Variants in TRIM33 observed in about 807,000 individuals in gnomAD.
The protein encoded by TRIM33 is E3 ubiquitin-protein ligase TRIM33.
In TRIM33, 20 loss-of-function variants were observed where a neutral mutation model predicts 125.4. The observed-to-expected ratio is 0.16, with a 90% confidence interval of 0.11 to 0.23. TRIM33 has a LOEUF of 0.23. Ranked by LOEUF, TRIM33 falls within the 10% of genes least tolerant of loss-of-function variation. The pLI, the probability that TRIM33 is intolerant of heterozygous loss-of-function variation, is 1.00. For synonymous variants in TRIM33, 564 were observed against 513.9 expected, an observed-to-expected ratio of 1.10 and a Z score of -1.32; for missense variants, 920 against 1,411.4, an observed-to-expected ratio of 0.65 and a Z score of 5.58.
At chr1:114,472,044 G>A (rs909616128) in intron 1 of TRIM33, among the ~76,000 whole-genome samples, 11 of 152,064 alleles carry the variant, frequency 7.2e-5, no homozygotes, top group Admixed American at 5.2e-4. Flanking sequence ...TATAGGGTAC[G>A]ACCACAGACC....
chr1:114,464,428 G>T, intron 1 of TRIM33, 40 bp from the exon 2 acceptor site: 1 of 1,226,194 alleles, frequency 8.2e-7, no homozygotes, highest in Non-Finnish European at 1.2e-6. Flanking sequence ...TATTCTTCAG[G>T]AATAAAGAAA....
In TRIM33 at chr1:114,397,502, T is replaced by C; in HGVS notation, c.*146A>G. On this transcript the variant is annotated 3_prime_UTR_variant, in exon 20 of 20. Coordinates refer to ENST00000358465, the MANE Select transcript of TRIM33 (RefSeq NM_015906.4). The stretch of plus-strand genomic sequence containing the variant: ...TCTGTCCATTATTTCAATCTAATAC[T>C]GTGTAAAAGCTATCAGCTTCTTCAA... 3.2e-6 allele frequency: 2 copies of C among 624,532 alleles called. No homozygotes were observed. Among genetic ancestry groups the C allele is most frequent in the Non-Finnish European group, 5.6e-6 (2 of 357,124 alleles). The allele number at this position is 624,532 out of a possible 1,614,324, so 38.7% of individuals were successfully genotyped here.
At chr1:114,483,770 C>T (rs979441997) in intron 1 of TRIM33, among the ~76,000 whole-genome samples, 1 of 152,064 alleles carries the variant, frequency 6.6e-6, no homozygotes, top group Non-Finnish European at 1.5e-5. Context: ...CTCAAACAAA[C>T]TCTTTAGAAA....
intron 5 of TRIM33, among the ~76,000 whole-genome samples, chr1:114,432,640 G>C (rs993974976): frequency 2.0e-5 from 3 of 152,070 alleles, no homozygotes; most frequent in Admixed American, 2.0e-4. Flanking sequence ...CAAAAAATTA[G>C]CCGAGCATGG....
intron 1 of TRIM33, chr1:114,468,395 G>C: frequency 2.9e-6 from 1 of 343,610 alleles, no homozygotes; most frequent in South Asian, 2.4e-5. Context: ...AGTTAGAGGA[G>C]GAAGGGGATA....
chr1:114,407,073 C>T lies in TRIM33; in HGVS notation c.2286G>A (p.Glu762=). The change falls in exon 14 of 20, where the codon GAG becomes GAA. Residue 762 remains glutamate (E), a synonymous_variant. Coordinates refer to ENST00000358465, the MANE Select transcript of TRIM33 (RefSeq NM_015906.4). ...CAGATTTGAAACTAAGACTTGTCTTCTCAGCAGTTCTTCCTGATGACCCAC... is the reference window on the plus strand; with the variant it reads ...CAGATTTGAAACTAAGACTTGTCTTTTCAGCAGTTCTTCCTGATGACCCAC... The part of the protein sequence containing the change: ...GSCGSSGRTA[E]KTSLSFKSDQ... 6.2e-7 allele frequency: 1 copy of T among 1,613,636 alleles called. No homozygotes were observed. The highest frequency in any genetic ancestry group is 8.5e-7 in the Non-Finnish European group (1 of 1,179,784).
chr1:114,498,074 C>T (rs1467781060), intron 1 of TRIM33, among the ~76,000 whole-genome samples: 20 of 142,888 alleles, frequency 1.4e-4, no homozygotes, highest in Middle Eastern at 7.5e-3. Flanking sequence ...TTGCAATGAG[C>T]TGAGATCGCA....
At chr1:114,497,508 C>A (rs1489061317) in intron 1 of TRIM33, among the ~76,000 whole-genome samples, 1 of 152,072 alleles carries the variant, frequency 6.6e-6, no homozygotes, top group Admixed American at 6.5e-5. Flanking sequence ...ACCACATTGG[C>A]GAGGCTTGTC....
chr1:114,446,958 T>C (rs74113186), intron 4 of TRIM33, among the ~76,000 whole-genome samples: 6,603 of 152,248 alleles, frequency 0.043, 156 homozygotes, highest in South Asian at 0.063. Flanking sequence ...GAAGGATTGC[T>C]TAAACCCAGA....
intron 1 of TRIM33, among the ~76,000 whole-genome samples, chr1:114,479,916 C>T (rs1003937642): frequency 1.9e-4 from 27 of 145,322 alleles, no homozygotes; most frequent in Non-Finnish European, 3.8e-4. Flanking sequence ...GGCGCCTCTG[C>T]CCGGCCGCCC....
Position 114,425,719 on chromosome 1 carries a change from A to G in TRIM33, c.1425T>C (p.Asn475=), listed in dbSNP as rs1386091497. ...GAGCTGGTTTACTCTCTATTACTAG[A>G]TTACCTGAAAAATTTAAAAAATGAG... ...FWAKNVVNLG[N]LVIESKPAPG... is the part of the protein sequence containing the mutation. The change falls in exon 9 of 20, where the codon AAT becomes AAC. Residue 475 remains asparagine, a synonymous_variant. Transcript: ENST00000358465. 1.1e-5 allele frequency: 18 copies of G among 1,584,002 alleles called. No individual in the cohort carries two copies. The highest frequency in any genetic ancestry group is 1.5e-5 in the Non-Finnish European group (18 of 1,165,410).
At chr1:114,423,344 T>C (rs7536927) in intron 10 of TRIM33, among the ~76,000 whole-genome samples, 5,588 of 152,228 alleles carry the variant, frequency 0.037, 339 homozygotes, top group African/African-American at 0.13. Context: ...TAAAACTCTG[T>C]TGAAGAAGTA....
In TRIM33 at chr1:114,454,461, G is replaced by A. The variant is rs550393444; in HGVS notation, c.923+8643C>T. ...AGTACTTTGAGAGGTCCTGGAGGAA[G>A]GACTGCTTGAGCCCAGGAGTTCAAG... On this transcript the variant is annotated intron_variant, in intron 4 of 19. Coordinates refer to ENST00000358465, the MANE Select transcript of TRIM33 (RefSeq NM_015906.4). 1.2e-4 allele frequency among the ~76,000 whole-genome samples: 19 copies of A among 152,158 alleles called. No homozygotes were observed. In the South Asian group the frequency reaches 3.9e-3, roughly 32 times the overall value.
chr1:114,442,327 G>A lies in TRIM33; in HGVS notation c.924-8594C>T, dbSNP rs190531211. On this transcript the variant is annotated intron_variant, in intron 4 of 19. Transcript: ENST00000358465. Reference sequence around the variant, plus strand: ...TAGCTCCCTAAGAGGACTGACAGTAGATATGTATTTACTTATCACTTCTAC... The same window carrying A: ...TAGCTCCCTAAGAGGACTGACAGTAAATATGTATTTACTTATCACTTCTAC... Among the ~76,000 whole-genome samples the A allele has an allele frequency of 2.8e-4, 42 of 152,110 alleles. No homozygotes were observed. In the East Asian group the frequency reaches 7.1e-3, roughly 26 times the overall value.
chr1:114,439,466 A>G (rs1481991922), intron 4 of TRIM33, among the ~76,000 whole-genome samples: 1 of 82,600 alleles, frequency 1.2e-5, no homozygotes, highest in Non-Finnish European at 2.1e-5. Flanking sequence ...GAGACTCTGT[A>G]TCAAAAAAAA....
At chr1:114,503,568 G>A (rs1477406384) in intron 1 of TRIM33, among the ~76,000 whole-genome samples, 1 of 152,044 alleles carries the variant, frequency 6.6e-6, no homozygotes, top group Non-Finnish European at 1.5e-5. Flanking sequence ...AGAATATATT[G>A]CAATAAGCTA....
Position 114,406,934 on chromosome 1 carries a change from A to C in TRIM33, c.2418+7T>G, listed in dbSNP as rs774005781. On this transcript the variant is annotated splice_region_variant and intron_variant, in intron 14 of 19. Transcript: ENST00000358465. ...TAAGTCCCTGTCAGACTCCAGTGGGAGCTTACCATGCAAGCACTCCTCCTG... is the reference window on the plus strand; with the variant it reads ...TAAGTCCCTGTCAGACTCCAGTGGGCGCTTACCATGCAAGCACTCCTCCTG... The C allele has an allele frequency of 1.9e-6, 3 of 1,612,450 alleles. No individual in the cohort carries two copies. In the East Asian group the frequency reaches 6.7e-5, roughly 36 times the overall value.
intron 1 of TRIM33, among the ~76,000 whole-genome samples, chr1:114,471,634 C>A (rs1317695121): frequency 1.3e-5 from 2 of 151,536 alleles, no homozygotes; most frequent in Non-Finnish European, 2.9e-5. Flanking sequence ...AAAAACAAAA[C>A]AAAACAAAAA....
At chr1:114,468,536 C>A in intron 1 of TRIM33, 1 of 400,074 alleles carries the variant, frequency 2.5e-6, no homozygotes, top group South Asian at 2.1e-5. Context: ...ATGACTTGAA[C>A]TTCTTTAATC....
Sources: allele counts gnomAD v4.1 joint callset (sites outside exome capture counted in the v4.1 genomes callset), GRCh38; gene constraint gnomAD v4.1.1; transcripts MANE v1.5; gene names NCBI Gene and HGNC (gene_info 2026-07-23, HGNC 2026-07-21).